CACNA2D1: variants seen among roughly 807,000 people sequenced by gnomAD.
The protein encoded by CACNA2D1 is calcium voltage-gated channel auxiliary subunit alpha2delta 1, also known as voltage-dependent calcium channel subunit alpha-2/delta-1.
A neutral mutation model predicts 171.5 loss-of-function variants in CACNA2D1; 53 were observed. The ratio of observed to expected loss-of-function variants is 0.31; its 90% confidence interval spans 0.25 to 0.39. The LOEUF (loss-of-function observed/expected upper bound fraction) is 0.39. Ranked by LOEUF, CACNA2D1 falls within the 10% of genes least tolerant of loss-of-function variation. CACNA2D1 has a pLI of 1.00. For missense variants in CACNA2D1, 903 were observed against 1,299.8 expected, an observed-to-expected ratio of 0.69 and a Z score of 4.69; for synonymous variants, 442 against 443.1, an observed-to-expected ratio of 1.00 and a Z score of 0.03.
chr7:82,117,237 CTTCT>C (rs1390994034), intron 5 of CACNA2D1, 64 bp from the exon 6 acceptor site: 2 of 1,474,450 alleles, frequency 1.4e-6, no homozygotes, highest in East Asian at 2.3e-5. Context: ...TTCACATGCA[CTTCT>C]TTACTTGCCA....
At chr7:82,243,640 T>A (rs1466821885) in intron 3 of CACNA2D1, among the ~76,000 whole-genome samples, 1 of 152,160 alleles carries the variant, frequency 6.6e-6, no homozygotes, top group Non-Finnish European at 1.5e-5. Context: ...ATGAACAAGG[T>A]GTTGTCACGA....
At chr7:82,069,768 G>A (rs892030345) in intron 7 of CACNA2D1, among the ~76,000 whole-genome samples, 1 of 151,616 alleles carries the variant, frequency 6.6e-6, no homozygotes, top group African/African-American at 2.4e-5. Flanking sequence ...GATGCATTGA[G>A]GACTGATTCT....
intron 24 of CACNA2D1, among the ~76,000 whole-genome samples, chr7:81,979,048 T>C (rs1418919942): frequency 2.6e-5 from 4 of 151,990 alleles, no homozygotes; most frequent in African/African-American, 4.8e-5. Flanking sequence ...GAAAACATCA[T>C]GCTACGTGAC....
At chr7:82,433,544 T>C (rs1222246955) in intron 1 of CACNA2D1, among the ~76,000 whole-genome samples, 1 of 152,210 alleles carries the variant, frequency 6.6e-6, no homozygotes, top group Non-Finnish European at 1.5e-5. Flanking sequence ...CTCAAGGCTG[T>C]TTCATATTTC....
chr7:81,986,528 C>G, intron 21 of CACNA2D1, among the ~76,000 whole-genome samples: 1 of 102,906 alleles, frequency 9.7e-6, no homozygotes, highest in South Asian at 2.8e-4. Flanking sequence ...TTCAAAATTT[C>G]ATATGACTAT....
intron 1 of CACNA2D1, among the ~76,000 whole-genome samples, chr7:82,421,353 C>T (rs1212213004): frequency 6.6e-6 from 1 of 152,160 alleles, no homozygotes; most frequent in Non-Finnish European, 1.5e-5. Context: ...GAAATAATTA[C>T]CTTTTAAAAA....
chr7:82,069,741 A>C, intron 7 of CACNA2D1, among the ~76,000 whole-genome samples: 1 of 152,228 alleles, frequency 6.6e-6, no homozygotes, highest in East Asian at 1.9e-4. Flanking sequence ...CTGCTAGGAA[A>C]GAATAAAGCA....
At chr7:82,239,711 A>G (rs1267587858) in intron 3 of CACNA2D1, among the ~76,000 whole-genome samples, 1 of 152,050 alleles carries the variant, frequency 6.6e-6, no homozygotes, top group African/African-American at 2.4e-5. Flanking sequence ...ATGTAGCCTA[A>G]ATGTCTCTTT....
chr7:82,231,736 G>C (rs150576974), intron 3 of CACNA2D1, among the ~76,000 whole-genome samples: 8 of 152,070 alleles, frequency 5.3e-5, no homozygotes, highest in Non-Finnish European at 8.8e-5. Context: ...AAACATTAAA[G>C]AAATAGTATC....
At chr7:82,300,985 T>C (rs80156776) in intron 3 of CACNA2D1, among the ~76,000 whole-genome samples, 4,238 of 152,318 alleles carry the variant, frequency 0.028, 161 homozygotes, top group East Asian at 0.14. Flanking sequence ...GGAAGATTTG[T>C]TAGGTTGATA....
intron 3 of CACNA2D1, among the ~76,000 whole-genome samples, chr7:82,191,881 G>A (rs1189714213): frequency 1.3e-5 from 2 of 151,638 alleles, no homozygotes; most frequent in African/African-American, 2.4e-5. Context: ...AATGAGATAC[G>A]CTTTTCTCTC....
At chr7:82,385,400 T>C (rs1824220779) in intron 1 of CACNA2D1, among the ~76,000 whole-genome samples, 1 of 152,222 alleles carries the variant, frequency 6.6e-6, no homozygotes, top group South Asian at 2.1e-4. Context: ...TGTCTTCCAC[T>C]GATGCTCATG....
chr7:82,343,063 A>C (rs913647006), intron 2 of CACNA2D1: 1 of 152,182 alleles, frequency 6.6e-6, no homozygotes, highest in African/African-American at 2.4e-5. Context: ...CCACATATAC[A>C]CACATATATA....
At chr7:82,109,973 T>C (rs938371820) in intron 6 of CACNA2D1, among the ~76,000 whole-genome samples, 17 of 152,214 alleles carry the variant, frequency 1.1e-4, no homozygotes, top group African/African-American at 4.1e-4. Context: ...CGTCGTTTTT[T>C]ACCCCAGGAT....
chr7:82,217,769 C>T (rs1801312491), intron 3 of CACNA2D1, among the ~76,000 whole-genome samples: 1 of 149,978 alleles, frequency 6.7e-6, no homozygotes, highest in African/African-American at 2.5e-5. Flanking sequence ...TAAAATATAC[C>T]ACTAATACTC....
At chr7:82,113,176 A>T (rs1438410453) in intron 6 of CACNA2D1, among the ~76,000 whole-genome samples, 1 of 152,098 alleles carries the variant, frequency 6.6e-6, no homozygotes, top group African/African-American at 2.4e-5. Context: ...TTCCCTCATT[A>T]ATGTTATTCT....
At chr7:82,156,949 TA>T (rs1786693116) in intron 4 of CACNA2D1, among the ~76,000 whole-genome samples, 1 of 152,142 alleles carries the variant, frequency 6.6e-6, no homozygotes, top group African/African-American at 2.4e-5. Context: ...GAAATAAAAA[TA>T]TTTTGATGAA....
At chr7:82,134,868 T>C (rs911158721) in intron 5 of CACNA2D1, among the ~76,000 whole-genome samples, 1 of 152,118 alleles carries the variant, frequency 6.6e-6, no homozygotes, top group Non-Finnish European at 1.5e-5. Flanking sequence ...TTTCCACTTG[T>C]AGTGGACATA....
chr7:82,013,403 C>A, intron 14 of CACNA2D1, 58 bp downstream of exon 14: 4 of 749,988 alleles, frequency 5.3e-6, no homozygotes, highest in South Asian at 2.3e-5. Flanking sequence ...CATATTTAAA[C>A]CAGAAAAATA....
Sources: gnomAD v4.1 joint callset for allele counts (sites outside exome capture counted in the v4.1 genomes callset) on GRCh38, gnomAD v4.1.1 for gene constraint, MANE v1.5 for transcripts, NCBI Gene and HGNC (gene_info 2026-07-23, HGNC 2026-07-21) for gene names.